Variants in TACC2 observed in about 807,000 individuals in gnomAD.
TACC2 encodes transforming acidic coiled-coil-containing protein 2.
In TACC2, 137 loss-of-function variants were observed where a neutral mutation model predicts 227.3. The observed-to-expected ratio is 0.60, with a 90% CI of 0.52 to 0.69. The LOEUF is 0.69. Among genes scored for constraint, TACC2 ranks in the 30% least tolerant of loss-of-function variants. The pLI is 0.00. For synonymous variants in TACC2, 1,523 were observed against 1,487.5 expected (o/e 1.02, Z -0.55); for missense variants, 3,470 against 3,694.4 (o/e 0.94, Z 1.57).
chr10:122,230,331 C>T lies in TACC2; in HGVS notation c.8038-20C>T, dbSNP rs371435848. 1.6e-4 allele frequency: 260 copies of T among 1,607,126 alleles called. No homozygotes were observed. Among genetic ancestry groups the T allele is most frequent in the Non-Finnish European group, 2.1e-4 (248 of 1,173,772 alleles). Reference sequence around the variant, plus strand: ...TCTTGATGCATTTCCCTGCGGTTTGCCCACACTCCCTGTGGGCAGGAGGAG... The same window carrying T: ...TCTTGATGCATTTCCCTGCGGTTTGTCCACACTCCCTGTGGGCAGGAGGAG... On this transcript the variant is annotated intron_variant, in intron 15 of 22. Coordinates refer to ENST00000369005, the MANE Select transcript of TACC2 (RefSeq NM_206862.4).
At chr10:122,245,310 T>C (rs56936331) in intron 19 of TACC2, among the ~76,000 whole-genome samples, 2,793 of 152,254 alleles carry the variant, frequency 0.018, 90 homozygotes, top group African/African-American at 0.064. Flanking sequence ...ACAAAAGGAT[T>C]TGTGAAGCAT....
intron 6 of TACC2, among the ~76,000 whole-genome samples, chr10:122,140,591 G>A (rs1795460476): frequency 6.6e-6 from 1 of 152,220 alleles, no homozygotes; most frequent in African/African-American, 2.4e-5. Context: ...CCCCATATCA[G>A]TGCCCTGCTC....
At chr10:122,135,506 A>G (rs1457056039) in intron 6 of TACC2, among the ~76,000 whole-genome samples, 3 of 152,192 alleles carry the variant, frequency 2.0e-5, no homozygotes, top group Admixed American at 6.5e-5. Context: ...GGAATGAGCA[A>G]TTTTGGTGCC....
At chr10:122,234,731 T>C (rs913715403) in intron 16 of TACC2, among the ~76,000 whole-genome samples, 1 of 152,238 alleles carries the variant, frequency 6.6e-6, no homozygotes, top group Non-Finnish European at 1.5e-5. Context: ...TTACTTATTT[T>C]TTTTCATTCC....
At chr10:122,016,931 G>A (rs969809774) in intron 1 of TACC2, among the ~76,000 whole-genome samples, 4 of 152,198 alleles carry the variant, frequency 2.6e-5, no homozygotes, top group Admixed American at 1.3e-4. Context: ...TAGAAGAAGA[G>A]ATTAGGACAT....
At chr10:122,015,341 C>A (rs1314718868) in intron 1 of TACC2, among the ~76,000 whole-genome samples, 2 of 151,758 alleles carry the variant, frequency 1.3e-5, no homozygotes, top group Admixed American at 1.3e-4. Flanking sequence ...CCGGTCTCTA[C>A]TAAAAATACA....
At chr10:122,229,590 CGAGAACGTTCCCAGT>C (rs1564729136) in intron 15 of TACC2, 104 bp downstream of exon 15, 5 of 1,330,778 alleles carry the variant, frequency 3.8e-6, no homozygotes, top group Non-Finnish European at 4.2e-6. Flanking sequence ...GAGGAACTGC[CGAGAACGTTCCCAGT>C]GACATATCTT....
chr10:122,036,796 C>T (rs1960557426), intron 2 of TACC2, among the ~76,000 whole-genome samples: 1 of 152,130 alleles, frequency 6.6e-6, no homozygotes, highest in Non-Finnish European at 1.5e-5. Flanking sequence ...TGGGTATATA[C>T]CTAGAAGTGG....
intron 6 of TACC2, among the ~76,000 whole-genome samples, chr10:122,133,514 T>C (rs111561382): frequency 6.6e-6 from 1 of 152,214 alleles, no homozygotes; most frequent in South Asian, 2.1e-4. Flanking sequence ...TACATGTCTA[T>C]ACACACACAT....
chr10:122,155,150 C>T (rs1408006305), intron 7 of TACC2, among the ~76,000 whole-genome samples: 6 of 152,200 alleles, frequency 3.9e-5, no homozygotes, highest in East Asian at 3.9e-4. Context: ...GCTTTCGTCT[C>T]GGAAGCATCT....
chr10:122,160,468 A>C (rs1332970837), intron 7 of TACC2, among the ~76,000 whole-genome samples: 1 of 152,092 alleles, frequency 6.6e-6, no homozygotes, highest in African/African-American at 2.4e-5. Context: ...TGGGTTCCTG[A>C]TGAAGGCTCT....
intron 19 of TACC2, among the ~76,000 whole-genome samples, chr10:122,242,269 G>A (rs1026533787): frequency 1.3e-5 from 2 of 152,190 alleles, no homozygotes; most frequent in African/African-American, 4.8e-5. Context: ...CTCAGCCAAG[G>A]ACTCTCTACT....
At chr10:122,107,878 A>ATTTTTTT (rs1204393563) in intron 5 of TACC2, among the ~76,000 whole-genome samples, 1 of 88,450 alleles carries the variant, frequency 1.1e-5, no homozygotes, top group Non-Finnish European at 2.1e-5. Context: ...ATATATATAT[A>ATTTTTTT]TATTTTTTTT....
At chr10:122,132,258 G>A (rs11200423) in intron 5 of TACC2, among the ~76,000 whole-genome samples, 1 of 151,832 alleles carries the variant, frequency 6.6e-6, no homozygotes, top group Non-Finnish European at 1.5e-5. Flanking sequence ...TTGAAAACTT[G>A]TAGGAGGCCA....
chr10:122,066,089 G>GA lies in TACC2; in HGVS notation c.146+15543dup, dbSNP rs549237605. ...GGATCTTGTTTTATTAATGCACTCT[G>GA]AAAATCTATACTTTTTTTTTTTTTT... is the stretch of plus-strand genomic sequence containing the variant. On this transcript the variant is annotated intron_variant, in intron 3 of 22. Transcript: ENST00000369005. Among the ~76,000 whole-genome samples, 489 of 150,550 alleles carry GA rather than the reference G, an allele frequency of 3.2e-3. 2 individuals are homozygous for GA. The highest frequency in any genetic ancestry group is 0.011 in the African/African-American group (467 of 41,180).
At chr10:122,175,787 CG>C (rs1231079686) in intron 7 of TACC2, among the ~76,000 whole-genome samples, 1 of 152,134 alleles carries the variant, frequency 6.6e-6, no homozygotes, top group African/African-American at 2.4e-5. Flanking sequence ...GAAAATGGGC[CG>C]GGTACAATAG....
intron 7 of TACC2, among the ~76,000 whole-genome samples, chr10:122,149,587 A>T (rs565755226): frequency 2.0e-5 from 3 of 150,606 alleles, no homozygotes; most frequent in African/African-American, 2.4e-5. Context: ...CCTGCGCAGG[A>T]GGGGAAGGGC....
rs1244602011 is a variant in TACC2 at position 121,997,615 on chromosome 10, C to A, written c.-46+8127C>A. ...AATGAGTGGTTTTCAGAGAGAAGAA[C>A]AAAGGCAGGCCTTCCAACGTGGCTG... On this transcript the variant is annotated intron_variant, in intron 1 of 22. Coordinates refer to ENST00000369005, the MANE Select transcript of TACC2 (RefSeq NM_206862.4). Among the ~76,000 whole-genome samples the A allele has an allele frequency of 4.6e-5, 7 of 151,584 alleles. No homozygotes were observed. In the South Asian group the frequency reaches 1.3e-3, roughly 27 times the overall value.
chr10:122,052,032 C>T (rs1039587187), intron 3 of TACC2: 8 of 152,214 alleles, frequency 5.3e-5, no homozygotes, highest in Non-Finnish European at 8.8e-5. Context: ...GGTGCTTCCT[C>T]TACTTCCCCA....
Sources: allele counts gnomAD v4.1 joint callset (sites outside exome capture counted in the v4.1 genomes callset), GRCh38; gene constraint gnomAD v4.1.1; transcripts MANE v1.5; gene names NCBI Gene and HGNC (gene_info 2026-07-23, HGNC 2026-07-21).